MYO16: variants seen among roughly 807,000 people sequenced by gnomAD.
The protein encoded by MYO16 is myosin XVI.
MYO16 carries 94 observed loss-of-function variants against 205.3 expected under a neutral mutation model. That is an observed-to-expected ratio of 0.46 (90% CI 0.39 to 0.54). The LOEUF is 0.54. Ranked by LOEUF, MYO16 falls within the 20% of genes least tolerant of loss-of-function variation. The pLI is 0.00. For synonymous variants in MYO16, 988 were observed against 954.0 expected (o/e 1.04, Z -0.66); for missense variants, 2,315 against 2,387.5 (o/e 0.97, Z 0.63).
chr13:108,537,199 T>A, the MYO16 span, among the ~76,000 whole-genome samples: 343 of 152,174 alleles, frequency 2.3e-3, 2 homozygotes, highest in African/African-American at 7.8e-3. Flanking sequence ...CCATTTTTAT[T>A]TCCGTGTGTA....
At chr13:108,769,555 A>G (rs1023385889) in intron 4 of MYO16, among the ~76,000 whole-genome samples, 11 of 152,206 alleles carry the variant, frequency 7.2e-5, no homozygotes, top group Admixed American at 5.2e-4. Flanking sequence ...CTATTCTGTG[A>G]AAAATTAACT....
intron 4 of MYO16, among the ~76,000 whole-genome samples, chr13:108,750,202 C>T (rs1337947066): frequency 6.6e-6 from 1 of 152,156 alleles, no homozygotes; most frequent in Non-Finnish European, 1.5e-5. Flanking sequence ...TGACACCCTG[C>T]CTTTGTGAAC....
At chr13:109,098,608 G>A (rs564546620) in intron 27 of MYO16, among the ~76,000 whole-genome samples, 24 of 152,218 alleles carry the variant, frequency 1.6e-4, no homozygotes, top group South Asian at 1.0e-3. Context: ...GTAGTTTTCC[G>A]TGCATCTCAT....
At chr13:108,911,498 G>A (rs946902641) in intron 16 of MYO16, among the ~76,000 whole-genome samples, 2 of 152,040 alleles carry the variant, frequency 1.3e-5, no homozygotes, top group Non-Finnish European at 2.9e-5. Flanking sequence ...GGGGCCTGAG[G>A]AAACATACTC....
intron 16 of MYO16, among the ~76,000 whole-genome samples, chr13:108,916,745 C>A (rs1289547053): frequency 6.6e-6 from 1 of 152,186 alleles, no homozygotes; most frequent in Non-Finnish European, 1.5e-5. Context: ...GGAATTGGGT[C>A]AGTGGCTTCC....
chr13:108,830,127 T>C (rs1307363383), intron 9 of MYO16, among the ~76,000 whole-genome samples: 1 of 129,538 alleles, frequency 7.7e-6, no homozygotes, highest in East Asian at 2.0e-4. Context: ...CTGGAGAGGA[T>C]GTGGAGAAAT....
chr13:109,012,651 C>G (rs1161294110), intron 22 of MYO16, among the ~76,000 whole-genome samples: 3 of 151,984 alleles, frequency 2.0e-5, no homozygotes, highest in African/African-American at 7.3e-5. Flanking sequence ...TTGGGGCCCT[C>G]TAGTCTAAAC....
At chr13:109,046,819 T>C in intron 23 of MYO16, 97 bp from the exon 24 acceptor site, 1 of 995,926 alleles carries the variant, frequency 1.0e-6, no homozygotes, top group Non-Finnish European at 1.6e-6. Context: ...TTTATGAATA[T>C]TTGAAAACTT....
At chr13:109,072,942 C>T (rs35836542) in intron 27 of MYO16, among the ~76,000 whole-genome samples, 10,206 of 152,176 alleles carry the variant, frequency 0.067, 390 homozygotes, top group Non-Finnish European at 0.084. Context: ...TTGTCTGCTA[C>T]GTACAAGGAA....
intron 12 of MYO16, among the ~76,000 whole-genome samples, chr13:108,875,140 TG>T (rs1206562904): frequency 6.6e-6 from 1 of 152,188 alleles, no homozygotes; most frequent in East Asian, 1.9e-4. Context: ...ACTGAGTGCT[TG>T]TCATCTCACC....
Position 108,867,445 on chromosome 13 carries a change from C to T in MYO16, c.1425+1203C>T, listed in dbSNP as rs1032392479. Among the ~76,000 whole-genome samples, 4 of 152,082 alleles carry T rather than the reference C, an allele frequency of 2.6e-5. 1 individual carries two copies. The highest frequency in any genetic ancestry group is 4.1e-4 in the South Asian group (2 of 4,820). On this transcript the variant is annotated intron_variant, in intron 12 of 34. Transcript: ENST00000457511. The stretch of plus-strand genomic sequence containing the variant: ...TTAAAGCTGTGTTGAAACCTGCCTA[C>T]CCTCCTCATTCCTCCCAATCCTATG...
Position 108,912,819 on chromosome 13 carries a change from G to A in MYO16, c.1925+2669G>A, listed in dbSNP as rs546128755. 4.6e-5 allele frequency among the ~76,000 whole-genome samples: 7 copies of A among 152,206 alleles called. No individual in the cohort carries two copies. The South Asian group carries it at 1.0e-3, about 23-fold the overall frequency. Reference sequence around the variant, plus strand: ...CAGATACGTAGCTTAGAGTGCATCTGTGTCTATGTGTGTGTGTCTGTGTGT... The same window carrying A: ...CAGATACGTAGCTTAGAGTGCATCTATGTCTATGTGTGTGTGTCTGTGTGT... On this transcript the variant is annotated intron_variant, in intron 16 of 34. Coordinates refer to ENST00000457511, the MANE Select transcript of MYO16 (RefSeq NM_001198950.3).
intron 4 of MYO16, among the ~76,000 whole-genome samples, chr13:108,757,103 A>G (rs1356053830): frequency 6.6e-6 from 1 of 152,260 alleles, no homozygotes; most frequent in Non-Finnish European, 1.5e-5. Flanking sequence ...TTAACTTTTA[A>G]TACTAACTTC....
the MYO16 span, among the ~76,000 whole-genome samples, chr13:108,542,890 T>C: frequency 6.6e-6 from 1 of 151,374 alleles, no homozygotes; most frequent in African/African-American, 2.4e-5. Flanking sequence ...TATAGTAATT[T>C]ATTTTATAAT....
At chr13:109,175,020 T>G (rs1270332318) in intron 33 of MYO16, among the ~76,000 whole-genome samples, 3 of 151,986 alleles carry the variant, frequency 2.0e-5, no homozygotes, top group African/African-American at 4.8e-5. Flanking sequence ...AAAGTGCTGG[T>G]ATTACAGGCG....
intron 15 of MYO16, among the ~76,000 whole-genome samples, chr13:108,899,910 G>A (rs1880624804): frequency 6.6e-6 from 1 of 152,232 alleles, no homozygotes; most frequent in Non-Finnish European, 1.5e-5. Context: ...GGCTGATGGA[G>A]ACTGCAGTTT....
chr13:108,857,092 G>A (rs1856281), intron 11 of MYO16, among the ~76,000 whole-genome samples: 19,471 of 152,024 alleles, frequency 0.13, 1,416 homozygotes, highest in East Asian at 0.28. Context: ...TCCTTAGACT[G>A]TTTTTTTGTT....
chr13:108,650,458 A>G (rs1295395243), intron 1 of MYO16, among the ~76,000 whole-genome samples: 2 of 152,200 alleles, frequency 1.3e-5, no homozygotes, highest in Non-Finnish European at 2.9e-5. Flanking sequence ...CCTATTAAAT[A>G]CCTTTCTGGC....
chr13:109,160,167 A>T (rs1324393862), intron 32 of MYO16, among the ~76,000 whole-genome samples: 1 of 152,190 alleles, frequency 6.6e-6, no homozygotes, highest in Admixed American at 6.5e-5. Flanking sequence ...ATGTCTCCAG[A>T]CATTGCTGAA....
Sources: gnomAD v4.1 joint callset for allele counts (sites outside exome capture counted in the v4.1 genomes callset) on GRCh38, gnomAD v4.1.1 for gene constraint, MANE v1.5 for transcripts, NCBI Gene and HGNC (gene_info 2026-07-23, HGNC 2026-07-21) for gene names.